Variants in RAD51B observed in about 807,000 individuals in gnomAD.
RAD51B encodes the protein RAD51 paralog B.
In RAD51B, 38 loss-of-function variants were observed where a neutral mutation model predicts 42.2. That is an observed-to-expected ratio of 0.90 (90% confidence interval 0.70 to 1.18). RAD51B has a LOEUF of 1.18. RAD51B is among the 50% of genes most tolerant of loss of function. RAD51B has a pLI of 0.00. For missense variants in RAD51B, 373 were observed against 400.7 expected, an observed-to-expected ratio of 0.93 and a Z score of 0.59; for synonymous variants, 154 against 145.2, an observed-to-expected ratio of 1.06 and a Z score of -0.43.
At chr14:68,162,095 T>TA (rs2078652020) in intron 7 of RAD51B, among the ~76,000 whole-genome samples, 1 of 152,292 alleles carries the variant, frequency 6.6e-6, no homozygotes, top group East Asian at 1.9e-4. Flanking sequence ...TCTCGGCTGT[T>TA]ACTATTAACA....
intron 9 of RAD51B, among the ~76,000 whole-genome samples, chr14:68,429,526 C>T (rs867826301): frequency 3.3e-5 from 5 of 152,150 alleles, no homozygotes; most frequent in Non-Finnish European, 5.9e-5. Context: ...CATTTTTTCA[C>T]GTGTCTGTTG....
chr14:68,239,453 T>C (rs1566751259), intron 7 of RAD51B, among the ~76,000 whole-genome samples: 1 of 151,828 alleles, frequency 6.6e-6, no homozygotes, highest in Non-Finnish European at 1.5e-5. Context: ...ACGGAAGCAG[T>C]CATCCTGCTC....
intron 10 of RAD51B, among the ~76,000 whole-genome samples, chr14:68,604,034 T>C (rs558892947): frequency 4.6e-5 from 7 of 152,236 alleles, no homozygotes; most frequent in African/African-American, 1.4e-4. Context: ...AACTTTGTAT[T>C]TCTTAGCCCG....
chr14:68,131,167 T>C (rs1389475856), intron 7 of RAD51B, among the ~76,000 whole-genome samples: 3 of 152,190 alleles, frequency 2.0e-5, no homozygotes, highest in African/African-American at 4.8e-5. Flanking sequence ...TATCATTACA[T>C]TGGCAAATTT....
intron 7 of RAD51B, among the ~76,000 whole-genome samples, chr14:68,089,863 T>A (rs1429604018): frequency 6.6e-6 from 1 of 152,162 alleles, no homozygotes; most frequent in Non-Finnish European, 1.5e-5. Flanking sequence ...CTAAATGATA[T>A]CATTTTAGAT....
chr14:68,549,014 G>T (rs1392182382), intron 10 of RAD51B, among the ~76,000 whole-genome samples: 1 of 152,150 alleles, frequency 6.6e-6, no homozygotes, highest in Non-Finnish European at 1.5e-5. Flanking sequence ...AGTGGGTAGG[G>T]GTGTATTCAG....
intron 10 of RAD51B, chr14:68,545,548 G>A (rs2140374158): frequency 2.2e-6 from 1 of 455,996 alleles, no homozygotes; most frequent in South Asian, 1.5e-5. Context: ...ATGAGTACCT[G>A]GGGCAGAAAC....
At chr14:67,847,483 C>T (rs988500529) in intron 4 of RAD51B, among the ~76,000 whole-genome samples, 13 of 151,956 alleles carry the variant, frequency 8.6e-5, no homozygotes, top group Non-Finnish European at 1.6e-4. Flanking sequence ...AGTTGTGTTC[C>T]TATTTTCATT....
At chr14:68,173,835 A>G (rs2078917189) in intron 7 of RAD51B, among the ~76,000 whole-genome samples, 1 of 152,222 alleles carries the variant, frequency 6.6e-6, no homozygotes, top group Non-Finnish European at 1.5e-5. Flanking sequence ...TCTTAAGATC[A>G]GTAAAATATA....
intron 7 of RAD51B, among the ~76,000 whole-genome samples, chr14:68,025,057 A>G (rs1313584400): frequency 1.3e-5 from 2 of 152,056 alleles, no homozygotes; most frequent in Admixed American, 1.3e-4. Flanking sequence ...TTTAATCACA[A>G]AGGGAAGTTG....
intron 7 of RAD51B, among the ~76,000 whole-genome samples, chr14:68,187,561 T>C (rs1330254586): frequency 6.6e-6 from 1 of 152,190 alleles, no homozygotes; most frequent in Non-Finnish European, 1.5e-5. Context: ...TATGCTTTTA[T>C]GTTTGTAAAA....
At chr14:68,327,786 T>C (rs1478154151) in intron 8 of RAD51B, among the ~76,000 whole-genome samples, 2 of 152,176 alleles carry the variant, frequency 1.3e-5, no homozygotes, top group East Asian at 3.8e-4. Context: ...AAGGAATATC[T>C]GTGACTATAA....
intron 7 of RAD51B, among the ~76,000 whole-genome samples, chr14:68,017,839 C>T (rs2075801479): frequency 6.6e-6 from 1 of 152,016 alleles, no homozygotes; most frequent in South Asian, 2.1e-4. Flanking sequence ...AGTGTGGTGG[C>T]ACGCACCTGT....
Position 67,904,117 on chromosome 14 carries a change from G to C in RAD51B, c.756+16913G>C, listed in dbSNP as rs549955076. ...TTTTAATGGCTGCATAGTATTTCAT[G>C]GTATATATGTACCACATTTTCTTTA... On this transcript the variant is annotated intron_variant, in intron 7 of 10. Transcript: ENST00000471583. Among the ~76,000 whole-genome samples the C allele has an allele frequency of 2.1e-4, 32 of 152,062 alleles. No individual in the cohort carries two copies. In the South Asian group the frequency reaches 4.8e-3, roughly 23 times the overall value.
intron 7 of RAD51B, among the ~76,000 whole-genome samples, chr14:68,149,213 G>C (rs76058994): frequency 2.0e-5 from 3 of 152,014 alleles, no homozygotes; most frequent in Non-Finnish European, 1.5e-5. Flanking sequence ...TTTTAATGAA[G>C]CCTAACATCA....
chr14:68,026,898 T>C (rs1022653347), intron 7 of RAD51B, among the ~76,000 whole-genome samples: 4 of 152,218 alleles, frequency 2.6e-5, no homozygotes, highest in Admixed American at 1.3e-4. Context: ...TTGCCTGGTT[T>C]TCATGTAAGA....
chr14:68,255,513 G>A (rs987454914), intron 7 of RAD51B, among the ~76,000 whole-genome samples: 2 of 152,148 alleles, frequency 1.3e-5, no homozygotes, highest in Non-Finnish European at 2.9e-5. Flanking sequence ...AGTCCCACAA[G>A]GAGGGACTTG....
chr14:68,048,123 C>A (rs2076332455), intron 7 of RAD51B, among the ~76,000 whole-genome samples: 1 of 152,122 alleles, frequency 6.6e-6, no homozygotes, highest in Non-Finnish European at 1.5e-5. Context: ...GCAATCAAAA[C>A]ATTCTTTAAG....
At chr14:68,067,335 G>A (rs1415155617) in intron 7 of RAD51B, among the ~76,000 whole-genome samples, 1 of 151,492 alleles carries the variant, frequency 6.6e-6, no homozygotes, top group Non-Finnish European at 1.5e-5. Flanking sequence ...GTGGTGGCAG[G>A]CGCCTGTAAT....
Sources: allele counts gnomAD v4.1 joint callset (sites outside exome capture counted in the v4.1 genomes callset), GRCh38; gene constraint gnomAD v4.1.1; transcripts MANE v1.5; gene names NCBI Gene and HGNC (gene_info 2026-07-23, HGNC 2026-07-21).